Variants in ABCB7 observed in about 807,000 individuals in gnomAD.
ABCB7 encodes the protein iron-sulfur clusters transporter ABCB7, mitochondrial.
ABCB7 carries 7 observed loss-of-function variants against 54.4 expected under a neutral mutation model. The ratio of observed to expected loss-of-function variants is 0.13; its 90% confidence interval spans 0.07 to 0.24. The LOEUF is 0.24. Among genes scored for constraint, ABCB7 ranks in the 10% least tolerant of loss-of-function variants. ABCB7 has a pLI of 1.00. For missense variants in ABCB7, 356 were observed against 570.4 expected (o/e 0.62, Z 3.83); for synonymous variants, 218 against 207.1 (o/e 1.05, Z -0.45).
At chrX:75,139,513 T>C (rs944620514) in intron 1 of ABCB7, among the ~76,000 whole-genome samples, 3 of 112,084 alleles carry the variant, frequency 2.7e-5, no homozygotes, top group Non-Finnish European at 5.6e-5. Context: ...CATCTGAGAG[T>C]AGTACCTGTT....
At chrX:75,111,546 A>G (rs1235224694) in intron 3 of ABCB7, among the ~76,000 whole-genome samples, 1 of 112,268 alleles carries the variant, frequency 8.9e-6, no homozygotes, top group East Asian at 2.8e-4. Flanking sequence ...TGGAGCCACA[A>G]TTCAAATCCA....
intron 3 of ABCB7, among the ~76,000 whole-genome samples, chrX:75,100,057 A>C (rs2147505832): frequency 9.0e-6 from 1 of 111,136 alleles, no homozygotes. Flanking sequence ...TTGTGTCAAT[A>C]ATTCTACTTC....
chrX:75,060,970 A>G (rs1300413490), intron 14 of ABCB7, among the ~76,000 whole-genome samples: 1 of 112,092 alleles, frequency 8.9e-6, no homozygotes, highest in African/African-American at 3.2e-5. Context: ...GGGTCTAAGT[A>G]CAGCAAGCTA....
At chrX:75,110,117 G>A (rs979360297) in intron 3 of ABCB7, among the ~76,000 whole-genome samples, 9 of 111,668 alleles carry the variant, frequency 8.1e-5, no homozygotes, top group South Asian at 7.5e-4. Flanking sequence ...GAACTTATTC[G>A]GTGGTGATTA....
Position 75,156,259 on chromosome X carries a change from G to A in ABCB7, c.14C>T (p.Ala5Val), listed in dbSNP as rs776166609. Residue 5 changes from alanine to valine, a missense_variant, in exon 1 of 16, where the codon GCG becomes GTG. Physicochemically the swap from Ala to Val is moderately conservative, Grantham distance 64. Coordinates refer to ENST00000373394, the MANE Select transcript of ABCB7 (RefSeq NM_001271696.3). ...GGCCGCCCAGCGCCAAGAATGCATC[G>A]CGAGCAGCGCCATCTTGAGCGAGGA... MALL[A>V]MHSWRWAAAA... The A allele has an allele frequency of 5.8e-6, 7 of 1,202,976 alleles. No individual in the cohort carries two copies. Among genetic ancestry groups the A allele is most frequent in the Middle Eastern group, 5.3e-4 (2 of 3,745 alleles).
At chrX:75,069,841 C>A (rs2081350096) in intron 10 of ABCB7, among the ~76,000 whole-genome samples, 1 of 110,755 alleles carries the variant, frequency 9.0e-6, no homozygotes, top group Non-Finnish European at 1.9e-5. Flanking sequence ...GTATAATAGT[C>A]TTCATTAACA....
intron 13 of ABCB7, 108 bp downstream of exon 13, chrX:75,064,962 G>A (rs754308949): frequency 2.9e-5 from 26 of 904,516 alleles, no homozygotes; most frequent in Non-Finnish European, 3.8e-5. Flanking sequence ...GTGACTCAAC[G>A]AGCACTACAT....
At chrX:75,154,657 C>T (rs1029556185) in intron 1 of ABCB7, among the ~76,000 whole-genome samples, 1 of 111,792 alleles carries the variant, frequency 8.9e-6, no homozygotes, top group Non-Finnish European at 1.9e-5. Context: ...CTTTAACTGG[C>T]TAACTTCTAA....
At chrX:75,078,468 C>T (rs182100506) in intron 4 of ABCB7, among the ~76,000 whole-genome samples, 139 of 111,303 alleles carry the variant, frequency 1.2e-3, no homozygotes, top group Non-Finnish European at 1.8e-3. Context: ...ATGGATATAT[C>T]GCATACTGGT....
At position 75,053,081 on chromosome X, in the gene ABCB7, T is replaced by G. The variant is rs1416386566; in HGVS notation, c.*289A>C. 3.2e-6 allele frequency: 1 copy of G among 316,461 alleles called. No individual in the cohort carries two copies. Among genetic ancestry groups the G allele is most frequent in the Non-Finnish European group, 5.5e-6 (1 of 182,456 alleles). The allele number at this position is 316,461 out of a possible 1,213,427, so 26.1% of individuals were successfully genotyped here. On this transcript the variant is annotated 3_prime_UTR_variant, in exon 16 of 16. Coordinates refer to ENST00000373394, the MANE Select transcript of ABCB7 (RefSeq NM_001271696.3). ...CCAATCTGATTCATCTGGCTATAGA[T>G]CAAATGAATGTCAGGCCTCAAGAGG...
At chrX:75,084,060 T>G (rs767282903) in intron 4 of ABCB7, among the ~76,000 whole-genome samples, 5 of 110,657 alleles carry the variant, frequency 4.5e-5, no homozygotes, top group Non-Finnish European at 9.5e-5. Flanking sequence ...GAGTCAGAGA[T>G]AGATTGAACA....
chrX:75,115,266 C>CAAAAAAAA (rs1160024642), intron 1 of ABCB7, among the ~76,000 whole-genome samples: 6 of 13,244 alleles, frequency 4.5e-4, no homozygotes, highest in African/African-American at 9.7e-4. Flanking sequence ...GACTCTGTCT[C>CAAAAAAAA]AAAAAAAAAA....
At chrX:75,135,192 C>G (rs1285372417) in intron 1 of ABCB7, among the ~76,000 whole-genome samples, 1 of 108,402 alleles carries the variant, frequency 9.2e-6, no homozygotes, top group African/African-American at 3.3e-5. Context: ...GAGACTATTA[C>G]AGACACCTCT....
chrX:75,072,231 T>C (rs995988353), intron 8 of ABCB7, among the ~76,000 whole-genome samples: 1 of 112,001 alleles, frequency 8.9e-6, no homozygotes, highest in African/African-American at 3.2e-5. Context: ...CTCTGAGGGA[T>C]AGAAGAGAGT....
In ABCB7 at chrX:75,056,535, C is replaced by T. The variant is rs371338666; in HGVS notation, c.2044-2950G>A. Among the ~76,000 whole-genome samples, 6 of 111,600 alleles carry T rather than the reference C, an allele frequency of 5.4e-5. No homozygotes were observed. In the East Asian group the frequency reaches 1.4e-3, roughly 26 times the overall value. Reference sequence around the variant, plus strand: ...GTTCATTAGTTCCCCTGACCCAGATCGGGAATCAACTACTTCTCCAAAAAG... The same window carrying T: ...GTTCATTAGTTCCCCTGACCCAGATTGGGAATCAACTACTTCTCCAAAAAG... On this transcript the variant is annotated intron_variant, in intron 15 of 15. Coordinates refer to ENST00000373394, the MANE Select transcript of ABCB7 (RefSeq NM_001271696.3).
Position 75,099,055 on chromosome X carries a change from C to A in ABCB7, c.340G>T (p.Asp114Tyr). ...LHTDPKEGLKDVDTRKIIKAM... is the reference protein window; with the variant it reads ...LHTDPKEGLKYVDTRKIIKAM... Reference sequence around the variant, plus strand: ...TTTATGATTTTCCGAGTATCAACATCTTTTAACTATTGAAAGAGAGAAAAC... The same window carrying A: ...TTTATGATTTTCCGAGTATCAACATATTTTAACTATTGAAAGAGAGAAAAC... Residue 114 changes from aspartate (D) to tyrosine (Y), a missense_variant, in exon 4 of 16, where the codon GAT becomes TAT. Asp to Tyr is a radical substitution (Grantham distance 160). Transcript: ENST00000373394. 8.3e-7 allele frequency: 1 copy of A among 1,209,145 alleles called. No homozygotes were observed. Among genetic ancestry groups the A allele is most frequent in the Non-Finnish European group, 1.1e-6 (1 of 893,531 alleles).
intron 4 of ABCB7, among the ~76,000 whole-genome samples, chrX:75,084,756 T>G (rs899197947): frequency 8.9e-6 from 1 of 111,916 alleles, no homozygotes; most frequent in Admixed American, 9.5e-5. Context: ...TATCAGAATA[T>G]ATAAAGAATT....
chrX:75,098,017 G>A (rs992414297), intron 4 of ABCB7, among the ~76,000 whole-genome samples: 6 of 111,598 alleles, frequency 5.4e-5, no homozygotes, highest in African/African-American at 1.9e-4. Flanking sequence ...TAAAATCTGA[G>A]TAAATTGGGG....
chrX:75,132,751 C>T (rs1293716670), intron 1 of ABCB7, among the ~76,000 whole-genome samples: 1 of 112,685 alleles, frequency 8.9e-6, no homozygotes, highest in Non-Finnish European at 1.9e-5. Flanking sequence ...TGCTAAAATA[C>T]TCTGCTATGA....
Sources: gnomAD v4.1 joint callset for allele counts (sites outside exome capture counted in the v4.1 genomes callset) on GRCh38, gnomAD v4.1.1 for gene constraint, MANE v1.5 for transcripts, NCBI Gene and HGNC (gene_info 2026-07-23, HGNC 2026-07-21) for gene names.